Variants in CDH22 observed in about 807,000 individuals in gnomAD.
CDH22 encodes the protein cadherin 22, also known as cadherin-22.
In CDH22, 30 loss-of-function variants were observed where a neutral mutation model predicts 58.4. The observed-to-expected ratio is 0.51, with a 90% CI of 0.38 to 0.70. The LOEUF (loss-of-function observed/expected upper bound fraction) is 0.70, where lower values mean the gene tolerates loss of function less well. Ranked by LOEUF, CDH22 falls within the 30% of genes least tolerant of loss-of-function variation. The pLI is 0.00. For missense variants in CDH22, 1,014 were observed against 1,233.9 expected (o/e 0.82, Z 2.67); for synonymous variants, 513 against 558.2 (o/e 0.92, Z 1.14).
chr20:46,297,645 T>G (rs2086634564), intron 1 of CDH22, among the ~76,000 whole-genome samples: 3 of 119,366 alleles, frequency 2.5e-5, no homozygotes, highest in Non-Finnish European at 3.4e-5. Context: ...GAAAAGAGAG[T>G]GCGGGCTCAG....
chr20:46,220,864 A>C (rs2086119083), intron 4 of CDH22: 2 of 152,530 alleles, frequency 1.3e-5, no homozygotes, highest in Admixed American at 1.3e-4. Context: ...TCCAGGGAAC[A>C]GGGTAGGTTG....
chr20:46,226,251 T>TTCTTCTTCTTCC (rs1444836875), intron 4 of CDH22, among the ~76,000 whole-genome samples: 776 of 11,192 alleles, frequency 0.069, 30 homozygotes, highest in South Asian at 0.15. Flanking sequence ...CTTCTTCTTC[T>TTCTTCTTCTTCC]TCTTCTTCTT....
At chr20:46,179,556 C>T (rs1033304794) in intron 10 of CDH22, among the ~76,000 whole-genome samples, 4 of 152,198 alleles carry the variant, frequency 2.6e-5, no homozygotes, top group Admixed American at 6.5e-5. Context: ...AGGCTGCCCA[C>T]GAGGTGCCGG....
At chr20:46,231,062 A>G (rs914873711) in intron 3 of CDH22, among the ~76,000 whole-genome samples, 2 of 152,070 alleles carry the variant, frequency 1.3e-5, no homozygotes, top group African/African-American at 4.8e-5. Context: ...CTGGGTTTAG[A>G]TTCTCCCTCC....
intron 3 of CDH22, among the ~76,000 whole-genome samples, chr20:46,231,236 A>G (rs930714307): frequency 2.0e-5 from 3 of 152,194 alleles, no homozygotes; most frequent in African/African-American, 7.2e-5. Context: ...TTCTTGGCTA[A>G]ACAGGATCTC....
chr20:46,258,870 C>T (rs1229356025), intron 1 of CDH22, among the ~76,000 whole-genome samples: 1 of 152,208 alleles, frequency 6.6e-6, no homozygotes, highest in Non-Finnish European at 1.5e-5. Flanking sequence ...ACTGCAGGGT[C>T]CCAGGGGCCA....
At chr20:46,297,051 G>A (rs920858134) in intron 1 of CDH22, among the ~76,000 whole-genome samples, 2 of 152,166 alleles carry the variant, frequency 1.3e-5, no homozygotes, top group African/African-American at 4.8e-5. Flanking sequence ...CCTGAAGCTG[G>A]CTGAGTTGAT....
chr20:46,251,965 C>T lies in CDH22; in HGVS notation c.-399-272G>A, dbSNP rs1786404740. 6.6e-6 allele frequency among the ~76,000 whole-genome samples: 1 copy of T among 152,042 alleles called. No individual in the cohort carries two copies. Among genetic ancestry groups the T allele is most frequent in the African/African-American group, 2.4e-5 (1 of 41,362 alleles). On this transcript the variant is annotated intron_variant, in intron 1 of 11. Coordinates refer to ENST00000537909, the MANE Select transcript of CDH22 (RefSeq NM_021248.3). The surrounding 1 kb of genome is among the most constrained non-coding windows in gnomAD (Gnocchi z 6.7). The stretch of plus-strand genomic sequence containing the variant: ...TCCTACGCCTTTCTCACAGCCCCTG[C>T]CCCGCTCAGCCCTCATGCCCACACA...
rs113889250 is a variant in CDH22 at position 46,200,261 on chromosome 20, G to C, written c.1287-702C>G. ...AGTGCCTGGGATTACAGGCGTGAGC[G>C]ACCGCGCCCGGCCCTCTTTTCTTTC... is the stretch of plus-strand genomic sequence containing the variant. On this transcript the variant is annotated intron_variant, in intron 7 of 11. Transcript: ENST00000537909. 6.3e-3 allele frequency among the ~76,000 whole-genome samples: 954 copies of C among 151,330 alleles called. 9 individuals carry two copies. Among genetic ancestry groups the C allele is most frequent in the African/African-American group, 0.015 (623 of 41,208 alleles).
intron 3 of CDH22, among the ~76,000 whole-genome samples, chr20:46,233,187 AG>A (rs2086231291): frequency 1.3e-5 from 2 of 152,126 alleles, no homozygotes; most frequent in African/African-American, 4.8e-5. Context: ...TGGTGGGGTG[AG>A]GGGCCTGCTG....
rs544773339 is a variant in CDH22, at chr20:46,282,842, C to T, written c.-400+25413G>A. Among the ~76,000 whole-genome samples the T allele has an allele frequency of 2.6e-5, 4 of 152,222 alleles. No homozygotes were observed. In the South Asian group the frequency reaches 6.2e-4, roughly 24 times the overall value. On this transcript the variant is annotated intron_variant, in intron 1 of 11. Coordinates refer to ENST00000537909, the MANE Select transcript of CDH22 (RefSeq NM_021248.3). Reference sequence around the variant, plus strand: ...CCCGTAATCCCTGCCTAATTCTGGGCGTCACCATTTGTCAACTTGCTCCCT... The same window carrying T: ...CCCGTAATCCCTGCCTAATTCTGGGTGTCACCATTTGTCAACTTGCTCCCT...
chr20:46,278,475 G>A (rs1289513738), intron 1 of CDH22, among the ~76,000 whole-genome samples: 1 of 152,212 alleles, frequency 6.6e-6, no homozygotes, highest in African/African-American at 2.4e-5. Flanking sequence ...CTGGATTAAG[G>A]AAAACTCAGG....
chr20:46,193,328 C>T (rs1297606744), intron 8 of CDH22, among the ~76,000 whole-genome samples: 2 of 152,090 alleles, frequency 1.3e-5, no homozygotes, highest in African/African-American at 4.8e-5. Flanking sequence ...TTGAAGCAGC[C>T]CCTTCCATGC....
Position 46,308,370 on chromosome 20 carries a change from C to A in CDH22, c.-515G>T. 5.3e-6 allele frequency: 1 copy of A among 189,588 alleles called. No individual in the cohort carries two copies. Among genetic ancestry groups the A allele is most frequent in the South Asian group, 1.9e-4 (1 of 5,298 alleles). 11.7% of individuals were successfully genotyped at this position (189,588 alleles called of 1,614,324 possible). On this transcript the variant is annotated 5_prime_UTR_variant, in exon 1 of 12. Transcript: ENST00000537909. This position sits in a 1 kb window ranked among gnomAD's most constrained non-coding sequence, Gnocchi z 4.3. Reference sequence around the variant, plus strand: ...GAGCCCCGCGGCCGCCCGCAGGAGCCGGAGGGAGAGCGGGAGCGAGAGGGG... The same window carrying A: ...GAGCCCCGCGGCCGCCCGCAGGAGCAGGAGGGAGAGCGGGAGCGAGAGGGG...
chr20:46,174,692 G>A lies in CDH22; in HGVS notation c.2301C>T (p.Tyr767=). The stretch of plus-strand genomic sequence containing the variant: ...CGAAGGCGTAGGTCTGGAAGGCGTC[G>A]TAGGGCGGCACCGACAGGTCCCCGT... ...LADGDLSVPP[Y]DAFQTYAFEG... Residue 767 remains tyrosine, a synonymous_variant, in exon 12 of 12, where the codon TAC becomes TAT. Coordinates refer to ENST00000537909, the MANE Select transcript of CDH22 (RefSeq NM_021248.3). This position sits in a 1 kb window ranked among gnomAD's most constrained non-coding sequence, Gnocchi z 4.4. The A allele has an allele frequency of 1.3e-6, 2 of 1,559,156 alleles. No individual in the cohort carries two copies. Among genetic ancestry groups the A allele is most frequent in the Non-Finnish European group, 1.7e-6 (2 of 1,160,116 alleles).
chr20:46,287,543 G>T (rs944592145), intron 1 of CDH22, among the ~76,000 whole-genome samples: 5 of 151,962 alleles, frequency 3.3e-5, no homozygotes, highest in African/African-American at 1.2e-4. Flanking sequence ...CCCTGAGGCT[G>T]GATGGATTTT....
chr20:46,204,936 G>C (rs1366919219), intron 7 of CDH22, among the ~76,000 whole-genome samples: 3 of 152,122 alleles, frequency 2.0e-5, no homozygotes, highest in African/African-American at 7.2e-5. Flanking sequence ...CAGGCTTTCT[G>C]GTGTGCCTGT....
At chr20:46,180,580 A>G (rs1331652974) in intron 10 of CDH22, among the ~76,000 whole-genome samples, 1 of 152,204 alleles carries the variant, frequency 6.6e-6, no homozygotes, top group East Asian at 1.9e-4. Context: ...GACTCTCTGC[A>G]TATTTTAAAT....
rs535003515 is a variant in CDH22 at position 46,207,513 on chromosome 20, G to A, written c.1286+2794C>T. Among the ~76,000 whole-genome samples, 13 of 152,356 alleles carry A rather than the reference G, an allele frequency of 8.5e-5. No homozygotes were observed. In the East Asian group the frequency reaches 2.1e-3, roughly 25 times the overall value. On this transcript the variant is annotated intron_variant, in intron 7 of 11. Coordinates refer to ENST00000537909, the MANE Select transcript of CDH22 (RefSeq NM_021248.3). ...TGGGCCCAGGCCAGAGGCCAAGGGGGTTGTTCAGAGACTATGCCACCAGCC... is the reference window on the plus strand; with the variant it reads ...TGGGCCCAGGCCAGAGGCCAAGGGGATTGTTCAGAGACTATGCCACCAGCC...
Sources: allele counts gnomAD v4.1 joint callset (sites outside exome capture counted in the v4.1 genomes callset), GRCh38; gene constraint gnomAD v4.1.1; non-coding constraint Gnocchi (gnomAD v3.1); transcripts MANE v1.5; gene names NCBI Gene and HGNC (gene_info 2026-07-23, HGNC 2026-07-21).